ADGRB3: variants seen among roughly 807,000 people sequenced by gnomAD.
The protein encoded by ADGRB3 is adhesion G protein-coupled receptor B3.
A neutral mutation model predicts 193.4 loss-of-function variants in ADGRB3; 37 were observed. The ratio of observed to expected loss-of-function variants is 0.19; its 90% CI spans 0.15 to 0.25. The LOEUF (loss-of-function observed/expected upper bound fraction) is 0.25. Among genes scored for constraint, ADGRB3 ranks in the 10% least tolerant of loss-of-function variants. The probability of loss-of-function intolerance (pLI) is 1.00; values close to 1 mark genes in which losing one functional copy is unlikely to be tolerated. For synonymous variants in ADGRB3, 690 were observed against 644.2 expected (o/e 1.07, Z -1.08); for missense variants, 1,637 against 1,852.9 (o/e 0.88, Z 2.14).
At chr6:69,137,806 A>G (rs182323266) in intron 17 of ADGRB3, among the ~76,000 whole-genome samples, 4 of 152,230 alleles carry the variant, frequency 2.6e-5, no homozygotes, top group African/African-American at 9.6e-5. Context: ...CAAAAACAAG[A>G]AAAAAAGAAT....
intron 17 of ADGRB3, among the ~76,000 whole-genome samples, chr6:69,166,125 C>T (rs1173084405): frequency 6.6e-6 from 1 of 152,100 alleles, no homozygotes; most frequent in Non-Finnish European, 1.5e-5. Flanking sequence ...CCACCATTAA[C>T]AATGAGGGAA....
chr6:68,985,275 A>T (rs961030374), intron 10 of ADGRB3, among the ~76,000 whole-genome samples: 11 of 152,138 alleles, frequency 7.2e-5, no homozygotes, highest in African/African-American at 2.4e-4. Flanking sequence ...CCCCAGACTT[A>T]CGTTATCAGA....
chr6:68,868,896 G>T (rs952990831), intron 3 of ADGRB3, among the ~76,000 whole-genome samples: 2 of 122,328 alleles, frequency 1.6e-5, no homozygotes, highest in Non-Finnish European at 3.7e-5. Context: ...CTGGAAATAG[G>T]ACTTCCAGAT....
chr6:68,966,896 A>G (rs1768395998), intron 8 of ADGRB3, among the ~76,000 whole-genome samples: 1 of 152,226 alleles, frequency 6.6e-6, no homozygotes, highest in Admixed American at 6.5e-5. Context: ...TGGGGAATTC[A>G]TAAAGATGAG....
At chr6:68,762,339 C>T (rs1163373615) in intron 3 of ADGRB3, among the ~76,000 whole-genome samples, 1 of 152,048 alleles carries the variant, frequency 6.6e-6, no homozygotes, top group Non-Finnish European at 1.5e-5. Flanking sequence ...GTGAAAATAA[C>T]TTATATATTT....
At chr6:68,893,213 A>G (rs2150229938) in intron 3 of ADGRB3, among the ~76,000 whole-genome samples, 1 of 152,276 alleles carries the variant, frequency 6.6e-6, no homozygotes, top group African/African-American at 2.4e-5. Context: ...AGGAAAAATA[A>G]AGACTATTAC....
chr6:68,870,137 A>G (rs553749610), intron 3 of ADGRB3, among the ~76,000 whole-genome samples: 84 of 152,344 alleles, frequency 5.5e-4, no homozygotes, highest in African/African-American at 1.9e-3. Flanking sequence ...ATAGTTAGCC[A>G]CATGATTTTT....
chr6:69,012,469 C>T (rs1364491777), intron 11 of ADGRB3, among the ~76,000 whole-genome samples: 2 of 152,006 alleles, frequency 1.3e-5, no homozygotes, highest in Non-Finnish European at 2.9e-5. Context: ...AAGGTTAATT[C>T]TTTCTGACCA....
At chr6:68,793,321 T>G (rs1281349270) in intron 3 of ADGRB3, among the ~76,000 whole-genome samples, 1 of 152,154 alleles carries the variant, frequency 6.6e-6, no homozygotes, top group Non-Finnish European at 1.5e-5. Context: ...ATTTTGTCCA[T>G]GTACTCAATG....
At chr6:69,090,657 G>A (rs1292591311) in intron 17 of ADGRB3, among the ~76,000 whole-genome samples, 11 of 152,194 alleles carry the variant, frequency 7.2e-5, no homozygotes, top group Non-Finnish European at 1.3e-4. Flanking sequence ...TGTTAGATAT[G>A]CGGCCACAAA....
rs769760534 is a variant in ADGRB3 at position 69,333,411 on chromosome 6, G to A, written c.3188+403G>A. 1.2e-4 allele frequency among the ~76,000 whole-genome samples: 18 copies of A among 152,100 alleles called. No individual in the cohort carries two copies. The East Asian group carries it at 1.7e-3, about 15-fold the overall frequency. ...GAATCAGAACAAGCAAACCTAAACA[G>A]GGCAAAATACTATATTTTCTTTGAC... On this transcript the variant is annotated intron_variant, in intron 24 of 31. Coordinates refer to ENST00000370598, the MANE Select transcript of ADGRB3 (RefSeq NM_001704.3).
chr6:69,248,180 C>T (rs1394870630), intron 20 of ADGRB3, among the ~76,000 whole-genome samples: 2 of 152,130 alleles, frequency 1.3e-5, no homozygotes, highest in Admixed American at 6.5e-5. Flanking sequence ...CTTTCCCCTT[C>T]TTGGGACATA....
intron 3 of ADGRB3, among the ~76,000 whole-genome samples, chr6:68,664,166 T>G (rs2127290490): frequency 6.6e-6 from 1 of 151,980 alleles, no homozygotes; most frequent in Non-Finnish European, 1.5e-5. Context: ...TAAATAATTT[T>G]AAGCACATTT....
At chr6:68,878,877 G>A (rs1207124383) in intron 3 of ADGRB3, among the ~76,000 whole-genome samples, 9 of 152,144 alleles carry the variant, frequency 5.9e-5, no homozygotes, top group Non-Finnish European at 1.0e-4. Context: ...GATGGCAGCA[G>A]GCAAAGAGAG....
rs193125375 is a variant in ADGRB3, at chr6:68,681,799, A to T, written c.757+42367A>T. 6.9e-3 allele frequency among the ~76,000 whole-genome samples: 1,058 copies of T among 152,304 alleles called. 7 individuals carry two copies. Among genetic ancestry groups the T allele is most frequent in the Non-Finnish European group, 0.013 (865 of 68,022 alleles). On this transcript the variant is annotated intron_variant, in intron 3 of 31. Coordinates refer to ENST00000370598, the MANE Select transcript of ADGRB3 (RefSeq NM_001704.3). ...TTTATTTTCATTTAATCCAACAGAG[A>T]TTCAATAGCTGTTCATTCCAAATTT...
At chr6:68,904,790 C>T (rs1766497034) in intron 3 of ADGRB3, among the ~76,000 whole-genome samples, 1 of 151,996 alleles carries the variant, frequency 6.6e-6, no homozygotes, top group Non-Finnish European at 1.5e-5. Flanking sequence ...TGATTTTCTC[C>T]TTTCATATCT....
intron 23 of ADGRB3, chr6:69,331,591 A>G (rs1452938735): frequency 6.1e-6 from 6 of 985,276 alleles, no homozygotes; most frequent in Non-Finnish European, 7.2e-6. Context: ...ATAATTTGCA[A>G]GAAAAATAAA....
At chr6:68,970,177 A>G (rs1768517524) in intron 8 of ADGRB3, among the ~76,000 whole-genome samples, 1 of 152,108 alleles carries the variant, frequency 6.6e-6, no homozygotes, top group Non-Finnish European at 1.5e-5. Context: ...AGCACCCTGT[A>G]CTTACTATTT....
chr6:69,237,116 T>G (rs987887316), intron 19 of ADGRB3, among the ~76,000 whole-genome samples: 2 of 152,004 alleles, frequency 1.3e-5, no homozygotes, highest in South Asian at 4.1e-4. Context: ...AACTGAAATT[T>G]AAAGCCCCAC....
Sources: gnomAD v4.1 joint callset for allele counts (sites outside exome capture counted in the v4.1 genomes callset) on GRCh38, gnomAD v4.1.1 for gene constraint, MANE v1.5 for transcripts, NCBI Gene and HGNC (gene_info 2026-07-23, HGNC 2026-07-21) for gene names.